Variants in AHNAK2 observed in about 807,000 individuals in gnomAD.
AHNAK2 encodes the protein AHNAK nucleoprotein 2.
Under a neutral mutation model 30.7 loss-of-function variants are expected in AHNAK2, and 18 were observed. The ratio of observed to expected loss-of-function variants is 0.59; its 90% confidence interval spans 0.41 to 0.87. The LOEUF (loss-of-function observed/expected upper bound fraction) is 0.87. Among genes scored for constraint, AHNAK2 ranks in the 40% least tolerant of loss-of-function variants. The pLI is 0.00. For synonymous variants in AHNAK2, 3,590 were observed against 3,073.8 expected (o/e 1.17, Z -5.56); for missense variants, 8,604 against 7,373.0 (o/e 1.17, Z -6.11).
Position 104,937,982 on chromosome 14 carries a change from T to TG in AHNAK2, c.*80dup. ...GAGGTGGATGTAATGTGCTGTGGGATGGGGTGCTCCATATGTGTGTGTAGC... is the reference window on the plus strand; with the variant it reads ...GAGGTGGATGTAATGTGCTGTGGGATGGGGGTGCTCCATATGTGTGTGTAGC... On this transcript the variant is annotated 3_prime_UTR_variant, in exon 7 of 7. Transcript: ENST00000333244. 1 of 1,432,394 alleles carries TG rather than the reference T, an allele frequency of 7.0e-7. No homozygotes were observed. Among genetic ancestry groups the TG allele is most frequent in the Middle Eastern group, 1.9e-4 (1 of 5,212 alleles). The allele number at this position is 1,432,394 out of a possible 1,614,324, so 88.7% of individuals were successfully genotyped here. A position where few individuals can be genotyped will look rare whatever the true frequency, so the allele number is the denominator to read the frequency against.
In AHNAK2 at chr14:104,939,223, C is replaced by T. The variant is rs1368819978; in HGVS notation, c.16228G>A (p.Val5410Met). ...GCCTCTGGACACTGCACTTCCCTCACAGTGGGGATGAACACATCATCCTCT... is the reference window on the plus strand; with the variant it reads ...GCCTCTGGACACTGCACTTCCCTCATAGTGGGGATGAACACATCATCCTCT... ...SSEDDVFIPT[V>M]REVQCPEANI... The change falls in exon 7 of 7, where the codon GTG becomes ATG. Residue 5410 changes from valine to methionine, a missense_variant. Coordinates refer to ENST00000333244, the MANE Select transcript of AHNAK2 (RefSeq NM_138420.4). 1.2e-6 allele frequency: 2 copies of T among 1,613,872 alleles called. No homozygotes were observed. Among genetic ancestry groups the T allele is most frequent in the South Asian group, 1.1e-5 (1 of 91,082 alleles).
In AHNAK2 at chr14:104,940,030, C is replaced by A. The variant is rs2140816871; in HGVS notation, c.15421G>T (p.Val5141Phe). 1 of 1,611,200 alleles carries A rather than the reference C, an allele frequency of 6.2e-7. No individual in the cohort carries two copies. The highest frequency in any genetic ancestry group is 1.1e-5 in the South Asian group (1 of 91,004). ...TCCCCACAAGGCTGGCTCACTGGGACATCCCCGAGCCCACATCCTCTGCTG... is the reference window on the plus strand; with the variant it reads ...TCCCCACAAGGCTGGCTCACTGGGAAATCCCCGAGCCCACATCCTCTGCTG... ...GDSRGCGLGD[V>F]PVSQPCGEGI... The change falls in exon 7 of 7, where the codon GTC becomes TTC. Residue 5141 changes from valine to phenylalanine, a missense_variant. By Grantham distance (50) the Val-to-Phe change is conservative (BLOSUM62 -1). Transcript: ENST00000333244. The surrounding 1 kb of genome is among the most constrained non-coding windows in gnomAD (Gnocchi z 4.4).
At position 104,949,848 on chromosome 14, in the gene AHNAK2, G is replaced by A. The variant is rs765404783; in HGVS notation, c.5603C>T (p.Thr1868Ile). 2.5e-6 allele frequency: 4 copies of A among 1,587,622 alleles called. No individual in the cohort carries two copies. The highest frequency in any genetic ancestry group is 1.4e-5 in the African/African-American group (1 of 72,386). Residue 1868 changes from threonine (T) to isoleucine (I), a missense_variant, in exon 7 of 7, where the codon ACC becomes ATC. By Grantham distance (89) the Thr-to-Ile change is moderately conservative. Coordinates refer to ENST00000333244, the MANE Select transcript of AHNAK2 (RefSeq NM_138420.4). ...AGGGAGCGGAATGCAGAGGTCCGTGGTCTTGAGGTCCCCCTGCATGGAGGG... is the reference window on the plus strand; with the variant it reads ...AGGGAGCGGAATGCAGAGGTCCGTGATCTTGAGGTCCCCCTGCATGGAGGG... ...SLPSMQGDLKTTDLCIPLPSA... is the reference protein window; with the variant it reads ...SLPSMQGDLKITDLCIPLPSA...
In AHNAK2 at chr14:104,942,766, C is replaced by G; in HGVS notation, c.12685G>C (p.Val4229Leu). 1 of 1,612,890 alleles carries G rather than the reference C, an allele frequency of 6.2e-7. No individual in the cohort carries two copies. The highest frequency in any genetic ancestry group is 8.5e-7 in the Non-Finnish European group (1 of 1,179,558). Residue 4229 changes from valine (V) to leucine (L), a missense_variant, in exon 7 of 7, where the codon GTG (valine) becomes CTG (leucine). Transcript: ENST00000333244. ...VQMPCLKMPK[V>L]ALKGPQVDVK... ...TCCACCTGGGGGCCCTTGAGGGCCA[C>G]TTTGGGCATCTTCAAACAGGGCATC...
intron 1 of AHNAK2, among the ~76,000 whole-genome samples, chr14:104,961,325 T>A (rs189077452): frequency 1.3e-5 from 2 of 151,516 alleles, no homozygotes; most frequent in African/African-American, 2.4e-5. Context: ...CCATCCTGGC[T>A]AACACAGTGA....
In AHNAK2 at chr14:104,943,019, C is replaced by G; in HGVS notation, c.12432G>C (p.Gly4144=). 1.2e-6 allele frequency: 2 copies of G among 1,613,222 alleles called. No individual in the cohort carries two copies. The highest frequency in any genetic ancestry group is 1.1e-5 in the South Asian group (1 of 91,036). ...CCATGGACTTGCCTGGGGCCGACACCCCGAATGATGGCATCTTGAACTTGG... is the reference window on the plus strand; with the variant it reads ...CCATGGACTTGCCTGGGGCCGACACGCCGAATGATGGCATCTTGAACTTGG... The part of the protein sequence containing the change: ...KMPKFKMPSF[G]VSAPGKSMEA... Residue 4144 remains glycine (G), a synonymous_variant, in exon 7 of 7, where the codon GGG becomes GGC. Transcript: ENST00000333244.
In AHNAK2 at chr14:104,942,005, G is replaced by A. The variant is rs199575096; in HGVS notation, c.13446C>T (p.Ile4482=). The A allele has an allele frequency of 4.4e-4, 710 of 1,613,440 alleles. 2 individuals are homozygous for A. In the African/African-American group the frequency reaches 8.5e-3, roughly 19 times the overall value. ...SFGMLSPGKS[I]EVSVDVSAPK... ...GCGCAGACACATCCACCGAGACCTC[G>A]ATGGACTTGCCTGGGGACAACATCC... The change falls in exon 7 of 7, where the codon ATC becomes ATT. Residue 4482 remains isoleucine, a synonymous_variant. Coordinates refer to ENST00000333244, the MANE Select transcript of AHNAK2 (RefSeq NM_138420.4).
Position 104,947,042 on chromosome 14 carries a change from G to T in AHNAK2, c.8409C>A (p.Asp2803Glu). 6.2e-7 allele frequency: 1 copy of T among 1,612,332 alleles called. No individual in the cohort carries two copies. The highest frequency in any genetic ancestry group is 8.5e-7 in the Non-Finnish European group (1 of 1,179,588). Residue 2803 changes from aspartate to glutamate, a missense_variant, in exon 7 of 7, where the codon GAC (aspartate) becomes GAA (glutamate). Asp to Glu is a conservative substitution (Grantham distance 45, BLOSUM62 2). Coordinates refer to ENST00000333244, the MANE Select transcript of AHNAK2 (RefSeq NM_138420.4). ...TGCTGTCTTTGGCTGTCATGCCCTT[G>T]TCGGCCAGGGACAGGTCCCCCTCCA... ...ARLEGDLSLA[D>E]KGMTAKDSKF...
At position 104,943,247 on chromosome 14, in the gene AHNAK2, G is replaced by C. The variant is rs565025213; in HGVS notation, c.12204C>G (p.Gly4068=). 6.3e-5 allele frequency: 101 copies of C among 1,611,974 alleles called. 1 individual carries two copies. The highest frequency in any genetic ancestry group is 4.7e-4 in the South Asian group (43 of 90,966). Residue 4068 remains glycine, a synonymous_variant, in exon 7 of 7, where the codon GGC becomes GGG. Transcript: ENST00000333244. ...TGGGGCCCTTAACATCTATCTGGGGGCCCTTGAGGTCCACTTTGGGCATCT... is the reference window on the plus strand; with the variant it reads ...TGGGGCCCTTAACATCTATCTGGGGCCCCTTGAGGTCCACTTTGGGCATCT... ...SFKMPKVDLK[G]PQIDVKGPKL... is the part of the protein sequence containing the mutation.
rs180897730 is a variant in AHNAK2 at position 104,938,407 on chromosome 14, G to T, written c.17044C>A (p.Arg5682=). The change falls in exon 7 of 7, where the codon CGA becomes AGA. Residue 5682 remains arginine (R), a synonymous_variant. Coordinates refer to ENST00000333244, the MANE Select transcript of AHNAK2 (RefSeq NM_138420.4). ...SAPIQTQPEA[R]PEAELPKKQE... ...TTTTTAGGCAGTTCTGCCTCTGGTC[G>T]TGCCTCAGGCTGTGTTTGAATGGGA... is the stretch of plus-strand genomic sequence containing the variant. The T allele has an allele frequency of 6.2e-5, 100 of 1,613,770 alleles. No homozygotes were observed. Among genetic ancestry groups the T allele is most frequent in the Non-Finnish European group, 8.2e-5 (97 of 1,179,880 alleles).
chr14:104,941,123 A>C lies in AHNAK2; in HGVS notation c.14328T>G (p.Gly4776=), dbSNP rs781489834. 6.2e-7 allele frequency: 1 copy of C among 1,613,630 alleles called. No homozygotes were observed. Among genetic ancestry groups the C allele is most frequent in the Non-Finnish European group, 8.5e-7 (1 of 1,179,892 alleles). Residue 4776 remains glycine (G), a synonymous_variant, in exon 7 of 7, where the codon GGT becomes GGG. Transcript: ENST00000333244. ...AGAGAATAGAAGATTCAAAGTGAGG[A>C]CCAGTGAGATCAAGCCGGGATGATG... is the stretch of plus-strand genomic sequence containing the variant. ...GFPSSRLDLT[G]PHFESSILSP...
In AHNAK2 at chr14:104,950,664, A is replaced by T. The variant is rs771622492; in HGVS notation, c.4787T>A (p.Ile1596Lys). ...GTCCAGCTTGGGGCCCTTAACATCT[A>T]TCTGGGGCCCCTTGAGGTCCACTTT... ...MPKVDLKGPQ[I>K]DVKGPKLDLK... is the part of the protein sequence containing the mutation. The change falls in exon 7 of 7, where the codon ATA becomes AAA. Residue 1596 changes from isoleucine (I) to lysine (K), a missense_variant. Transcript: ENST00000333244. 20 of 1,584,740 alleles carry T rather than the reference A, an allele frequency of 1.3e-5. 3 individuals carry two copies. The highest frequency in any genetic ancestry group is 1.7e-6 in the Non-Finnish European group (2 of 1,162,218).
In AHNAK2 at chr14:104,941,378, T is replaced by A; in HGVS notation, c.14073A>T (p.Gly4691=). The A allele has an allele frequency of 6.2e-7, 1 of 1,613,366 alleles. No individual in the cohort carries two copies. The highest frequency in any genetic ancestry group is 2.2e-5 in the East Asian group (1 of 44,872). Residue 4691 remains glycine, a synonymous_variant, in exon 7 of 7, where the codon GGA becomes GGT. Coordinates refer to ENST00000333244, the MANE Select transcript of AHNAK2 (RefSeq NM_138420.4). ...SRDGNLGLAV[G]EVGMDSKFKK... ...TAAACTTCGAATCCATTCCAACTTC[T>A]CCAACAGCAAGCCCCAAGTTACCAT...
At position 104,949,843 on chromosome 14, in the gene AHNAK2, C is replaced by G. The variant is rs760826146; in HGVS notation, c.5608G>C (p.Asp1870His). The change falls in exon 7 of 7, where the codon GAC (aspartate) becomes CAC (histidine). Residue 1870 changes from aspartate (D) to histidine (H), a missense_variant. Asp to His is a moderately conservative substitution (Grantham distance 81, BLOSUM62 -1). Coordinates refer to ENST00000333244, the MANE Select transcript of AHNAK2 (RefSeq NM_138420.4). ...PSMQGDLKTTDLCIPLPSADL... is the reference protein window; with the variant it reads ...PSMQGDLKTTHLCIPLPSADL... ...GCAGAAGGGAGCGGAATGCAGAGGTCCGTGGTCTTGAGGTCCCCCTGCATG... is the reference window on the plus strand; with the variant it reads ...GCAGAAGGGAGCGGAATGCAGAGGTGCGTGGTCTTGAGGTCCCCCTGCATG... 1.1e-4 allele frequency: 168 copies of G among 1,587,454 alleles called. 14 individuals carry two copies. In the African/African-American group the frequency reaches 1.2e-3, roughly 11 times the overall value.
rs1898530945 is a variant in AHNAK2 at position 104,949,527 on chromosome 14, G to T, written c.5924C>A (p.Ser1975Tyr). Reference sequence around the variant, plus strand: ...GGCAGTCATGTCCTTGTCGGCCAGGGACAGGTCTCCCTCCAGCCGCGCACC... The same window carrying T: ...GGCAGTCATGTCCTTGTCGGCCAGGTACAGGTCTCCCTCCAGCCGCGCACC... ...LDGARLEGDL[S>Y]LADKDMTAKD... The change falls in exon 7 of 7, where the codon TCC (serine) becomes TAC (tyrosine). Residue 1975 changes from serine (S) to tyrosine (Y), a missense_variant. Ser to Tyr is a moderately radical substitution (Grantham distance 144). Coordinates refer to ENST00000333244, the MANE Select transcript of AHNAK2 (RefSeq NM_138420.4). 5 of 1,588,174 alleles carry T rather than the reference G, an allele frequency of 3.1e-6. No individual in the cohort carries two copies. Among genetic ancestry groups the T allele is most frequent in the Non-Finnish European group, 4.3e-6 (5 of 1,163,062 alleles).
Position 104,946,267 on chromosome 14 carries a change from G to A in AHNAK2, c.9184C>T (p.Pro3062Ser), listed in dbSNP as rs1898263125. ...TTGAAACTGGGCATCTGCAACTTGG[G>A]CAGGTGCCCTTTGAGGCCAGCTCCC... Reference protein sequence around the residue: ...PEGAGLKGHLPKLQMPSFKMP... With the variant: ...PEGAGLKGHLSKLQMPSFKMP... Residue 3062 changes from proline (P) to serine (S), a missense_variant, in exon 7 of 7, where the codon CCC becomes TCC. Coordinates refer to ENST00000333244, the MANE Select transcript of AHNAK2 (RefSeq NM_138420.4). 2 of 1,610,146 alleles carry A rather than the reference G, an allele frequency of 1.2e-6. No homozygotes were observed. The highest frequency in any genetic ancestry group is 2.2e-5 in the South Asian group (2 of 90,858).
chr14:104,952,100 G>A lies in AHNAK2; in HGVS notation c.3351C>T (p.Val1117=), dbSNP rs112016226. The A allele has an allele frequency of 1.2e-5, 19 of 1,600,058 alleles. No homozygotes were observed. The African/African-American group carries it at 2.7e-4, about 22-fold the overall frequency. The change falls in exon 7 of 7, where the codon GTC becomes GTT. Residue 1117 remains valine (V), a synonymous_variant. Coordinates refer to ENST00000333244, the MANE Select transcript of AHNAK2 (RefSeq NM_138420.4). ...KLDLKSPKAE[V]TAPDVEVSLP... ...GAGACACCTCCACATCAGGGGCTGT[G>A]ACTTCCGCCTTGGGGCTTTTCAGGT...
At position 104,939,552 on chromosome 14, in the gene AHNAK2, T is replaced by C; in HGVS notation, c.15899A>G (p.His5300Arg). The change falls in exon 7 of 7, where the codon CAT (histidine) becomes CGT (arginine). Residue 5300 changes from histidine to arginine, a missense_variant. Coordinates refer to ENST00000333244, the MANE Select transcript of AHNAK2 (RefSeq NM_138420.4). Reference protein sequence around the residue: ...DELSTSEVRIHPSKGPLPFQM... With the variant: ...DELSTSEVRIRPSKGPLPFQM... ...AAAAGGGAGAGGTCCTTTGGATGGA[T>C]GGATCCTGACCTCAGAAGTGGAAAG... 2 of 1,613,854 alleles carry C rather than the reference T, an allele frequency of 1.2e-6. No individual in the cohort carries two copies. Among genetic ancestry groups the C allele is most frequent in the Non-Finnish European group, 1.7e-6 (2 of 1,179,900 alleles).
chr14:104,966,381 T>C lies in AHNAK2; in HGVS notation c.56-8709A>G, dbSNP rs1490131871. 6.6e-6 allele frequency among the ~76,000 whole-genome samples: 1 copy of C among 151,202 alleles called. No homozygotes were observed. The highest frequency in any genetic ancestry group is 1.5e-5 in the Non-Finnish European group (1 of 67,808). Reference sequence around the variant, plus strand: ...TACCCCTGGCAACCCCACAACACGATCTCCTCCACAGGCCCCTTCTCCCTA... The same window carrying C: ...TACCCCTGGCAACCCCACAACACGACCTCCTCCACAGGCCCCTTCTCCCTA... On this transcript the variant is annotated intron_variant, in intron 1 of 6. Transcript: ENST00000333244. This position sits in a 1 kb window ranked among gnomAD's most constrained non-coding sequence, Gnocchi z 4.3.
Sources: allele counts gnomAD v4.1 joint callset (sites outside exome capture counted in the v4.1 genomes callset), GRCh38; gene constraint gnomAD v4.1.1; non-coding constraint Gnocchi (gnomAD v3.1); transcripts MANE v1.5; gene names NCBI Gene and HGNC (gene_info 2026-07-23, HGNC 2026-07-21).